ANK2: variants seen among roughly 807,000 people sequenced by gnomAD.
The protein encoded by ANK2 is ankyrin 2, also known as ankyrin-2.
ANK2 carries 83 observed loss-of-function variants against 360.5 expected under a neutral mutation model. The observed-to-expected ratio is 0.23, with a 90% confidence interval of 0.19 to 0.28. The LOEUF is 0.28. ANK2 is among the 10% of genes least tolerant of loss of function. The pLI, the probability that ANK2 is intolerant of heterozygous loss-of-function variation, is 1.00. For synonymous variants in ANK2, 1,740 were observed against 1,759.5 expected, an observed-to-expected ratio of 0.99 and a Z score of 0.28; for missense variants, 4,201 against 4,795.7, an observed-to-expected ratio of 0.88 and a Z score of 3.66.
At chr4:112,763,541 T>TC in the ANK2 span, among the ~76,000 whole-genome samples, 1 of 142,452 alleles carries the variant, frequency 7.0e-6, no homozygotes, top group Admixed American at 7.1e-5. Context: ...CTTTTTTTTT[T>TC]CTTTTCCCCT....
chr4:112,806,752 C>T, the ANK2 span, among the ~76,000 whole-genome samples: 1 of 152,148 alleles, frequency 6.6e-6, no homozygotes, highest in Non-Finnish European at 1.5e-5. Context: ...ATTACTTGGG[C>T]CCAGGGAGGC....
upstream of ANK2, among the ~76,000 whole-genome samples, chr4:113,048,898 T>A (rs2065703580): frequency 6.8e-6 from 1 of 147,324 alleles, no homozygotes; most frequent in Admixed American, 7.0e-5. Flanking sequence ...TCTGGGAAAT[T>A]CAGTTCTCCC....
chr4:113,381,536 C>G lies in ANK2; in HGVS notation c.*65C>G, dbSNP rs1202146013. 1 of 1,613,516 alleles carries G rather than the reference C, an allele frequency of 6.2e-7. No individual in the cohort carries two copies. The highest frequency in any genetic ancestry group is 1.7e-5 in the Admixed American group (1 of 59,952). ...TGGAAAACGCATTGACTTGGAGCACCTGGAGGATGTACCAGAAGCACTAGA... is the reference window on the plus strand; with the variant it reads ...TGGAAAACGCATTGACTTGGAGCACGTGGAGGATGTACCAGAAGCACTAGA... On this transcript the variant is annotated 3_prime_UTR_variant, in exon 46 of 46. Coordinates refer to ENST00000357077, the MANE Select transcript of ANK2 (RefSeq NM_001148.6).
intron 1 of ANK2, among the ~76,000 whole-genome samples, chr4:112,876,841 T>C (rs1446255847): frequency 6.6e-6 from 1 of 152,148 alleles, no homozygotes; most frequent in Non-Finnish European, 1.5e-5. Context: ...TACCACAAAG[T>C]CTAGGTTCCA....
At chr4:112,833,556 T>G (rs1175253330) in intron 1 of ANK2, among the ~76,000 whole-genome samples, 10 of 150,588 alleles carry the variant, frequency 6.6e-5, no homozygotes, top group Admixed American at 6.6e-4. Context: ...CAGGCTGGAG[T>G]GCAGTGGCGC....
At chr4:112,791,479 C>CTTCTTTTT in the ANK2 span, among the ~76,000 whole-genome samples, 1 of 93,898 alleles carries the variant, frequency 1.1e-5, no homozygotes, top group Non-Finnish European at 2.1e-5. Context: ...TCTTCTTCTT[C>CTTCTTTTT]TTTTTTTTTT....
chr4:113,155,954 A>C (rs867721390), intron 1 of ANK2, among the ~76,000 whole-genome samples: 4 of 152,232 alleles, frequency 2.6e-5, no homozygotes, highest in Non-Finnish European at 5.9e-5. Flanking sequence ...GATTGTGTTG[A>C]GGTGGTCTCT....
chr4:113,259,505 AG>A (rs1352430252), intron 13 of ANK2, among the ~76,000 whole-genome samples: 1 of 152,140 alleles, frequency 6.6e-6, no homozygotes, highest in Non-Finnish European at 1.5e-5. Flanking sequence ...TCTGATGGCT[AG>A]GAAAATCCAT....
chr4:113,057,970 T>C (rs1213023824), intron 1 of ANK2, among the ~76,000 whole-genome samples: 1 of 152,152 alleles, frequency 6.6e-6, no homozygotes, highest in East Asian at 1.9e-4. Flanking sequence ...TGACTTTGAG[T>C]TTGCTCTGGA....
chr4:112,788,021 T>C, the ANK2 span: 2 of 875,640 alleles, frequency 2.3e-6, no homozygotes, highest in South Asian at 1.5e-5. Context: ...AATGTATTTC[T>C]TTGAAGGAAA....
In ANK2 at chr4:113,358,504, C is replaced by T. The variant is rs771113677; in HGVS notation, c.9886C>T (p.Pro3296Ser). 6.2e-7 allele frequency: 1 copy of T among 1,614,058 alleles called. No individual in the cohort carries two copies. Among genetic ancestry groups the T allele is most frequent in the Admixed American group, 1.7e-5 (1 of 59,996 alleles). The change falls in exon 38 of 46, where the codon CCT (proline) becomes TCT (serine). Residue 3296 changes from proline to serine, a missense_variant. Physicochemically the swap from Pro to Ser is moderately conservative, Grantham distance 74 (BLOSUM62 -1). Transcript: ENST00000357077. ...TCCTACTGCACCCATGGAGAATGTG[C>T]CTTTTACTGAAAGCAAATCCAAAAT... ...EIPTAPMENV[P>S]FTESKSKIPV...
the ANK2 span, among the ~76,000 whole-genome samples, chr4:112,709,770 T>C: frequency 6.6e-6 from 1 of 152,108 alleles, no homozygotes; most frequent in East Asian, 1.9e-4. Flanking sequence ...AGAAAAGATA[T>C]GGTGATAGCA....
chr4:113,332,911 C>A, intron 28 of ANK2, 143 bp from the exon 29 acceptor site: 1 of 1,167,674 alleles, frequency 8.6e-7, no homozygotes, highest in Non-Finnish European at 1.3e-6. Context: ...CATCTGCTAG[C>A]CAGTGGGCTC....
Position 113,355,839 on chromosome 4 carries a change from A to G in ANK2, c.7221A>G (p.Gln2407=), listed in dbSNP as rs776036456. The G allele has an allele frequency of 2.7e-5, 43 of 1,613,992 alleles. No individual in the cohort carries two copies. The highest frequency in any genetic ancestry group is 3.4e-5 in the Non-Finnish European group (40 of 1,179,978). Residue 2407 remains glutamine (Q), a synonymous_variant, in exon 38 of 46, where the codon CAA becomes CAG. Transcript: ENST00000357077. ...SKPQGVIRSP[Q]GLELALPSRD... Reference sequence around the variant, plus strand: ...CTCAGGGAGTCATTAGAAGTCCCCAAGGGTTAGAACTTGCACTCCCTAGCC... The same window carrying G: ...CTCAGGGAGTCATTAGAAGTCCCCAGGGGTTAGAACTTGCACTCCCTAGCC...
In ANK2 at chr4:113,056,935, C is replaced by G. The variant is rs369236025; in HGVS notation, c.84+7123C>G. Among the ~76,000 whole-genome samples, 6 of 152,286 alleles carry G rather than the reference C, an allele frequency of 3.9e-5. No individual in the cohort carries two copies. The East Asian group carries it at 5.8e-4, about 15-fold the overall frequency. On this transcript the variant is annotated intron_variant, in intron 1 of 45. Coordinates refer to ENST00000357077, the MANE Select transcript of ANK2 (RefSeq NM_001148.6). ...TGTTTGTAGTCATTAAGACAAAGAC[C>G]TTGATTTCTAGCATTTGCTTAATGA... is the stretch of plus-strand genomic sequence containing the variant.
At chr4:112,809,153 C>A in the ANK2 span, among the ~76,000 whole-genome samples, 1 of 151,692 alleles carries the variant, frequency 6.6e-6, no homozygotes, top group East Asian at 2.0e-4. Flanking sequence ...GCCACTGCAC[C>A]CGGCCCAAAC....
chr4:112,848,728 T>C (rs1229255055), intron 1 of ANK2, among the ~76,000 whole-genome samples: 1 of 152,238 alleles, frequency 6.6e-6, no homozygotes, highest in Non-Finnish European at 1.5e-5. Flanking sequence ...GAGTCTTGAC[T>C]TACTCACCTT....
intron 1 of ANK2, chr4:113,145,510 C>T: frequency 2.5e-6 from 2 of 806,358 alleles, no homozygotes; most frequent in Non-Finnish European, 3.0e-6. Flanking sequence ...GTGAGGCAGG[C>T]TGCTTGCATG....
intron 2 of ANK2, among the ~76,000 whole-genome samples, chr4:112,970,763 G>T (rs2039239033): frequency 6.6e-6 from 1 of 152,034 alleles, no homozygotes; most frequent in Admixed American, 6.6e-5. Flanking sequence ...AGAAGTTCAA[G>T]GGATCTAGAA....
Sources: allele counts gnomAD v4.1 joint callset (sites outside exome capture counted in the v4.1 genomes callset), GRCh38; gene constraint gnomAD v4.1.1; transcripts MANE v1.5; gene names NCBI Gene and HGNC (gene_info 2026-07-23, HGNC 2026-07-21).